The following NRG3 variants were observed in gnomAD, a reference collection of about 807,000 sequenced individuals.
The protein encoded by NRG3 is neuregulin 3.
A neutral mutation model predicts 66.9 loss-of-function variants in NRG3; 31 were observed. The observed-to-expected ratio is 0.46, with a 90% CI of 0.35 to 0.63. The LOEUF is 0.63. Ranked by LOEUF, NRG3 falls within the 20% of genes least tolerant of loss-of-function variation. NRG3 has a pLI of 0.00. For missense variants in NRG3, 910 were observed against 878.9 expected, an observed-to-expected ratio of 1.04 and a Z score of -0.45; for synonymous variants, 393 against 359.4, an observed-to-expected ratio of 1.09 and a Z score of -1.06.
intron 2 of NRG3, among the ~76,000 whole-genome samples, chr10:82,562,356 G>A (rs893792715): frequency 6.6e-6 from 1 of 152,176 alleles, no homozygotes; most frequent in Admixed American, 6.6e-5. Context: ...CTCACTGTCA[G>A]CTGCCAACCA....
At chr10:81,904,066 A>G (rs767938153) in intron 1 of NRG3, among the ~76,000 whole-genome samples, 7 of 150,984 alleles carry the variant, frequency 4.6e-5, no homozygotes, top group Non-Finnish European at 8.8e-5. Flanking sequence ...CTGGAGTGCA[A>G]TGATGCGATC....
At position 81,875,311 on chromosome 10, in the gene NRG3, G is replaced by C. The variant is rs1341324123; in HGVS notation, c.-30G>C. The C allele has an allele frequency of 2.4e-5, 24 of 984,010 alleles. No individual in the cohort carries two copies. Among genetic ancestry groups the C allele is most frequent in the Middle Eastern group, 4.7e-4 (1 of 2,128 alleles). 61.0% of individuals were successfully genotyped at this position (984,010 alleles called of 1,614,324 possible). A position where few individuals can be genotyped will look rare whatever the true frequency, so the allele number is the denominator to read the frequency against. On this transcript the variant is annotated 5_prime_UTR_variant, in exon 1 of 9. Transcript: ENST00000372141. This position sits in a 1 kb window ranked among gnomAD's most constrained non-coding sequence, Gnocchi z 5.3. Reference sequence around the variant, plus strand: ...CCCCATGCCTCTGCCGCGGCCCTCGGGGGGGCGAAGGTGAAGACCGGCTCC... The same window carrying C: ...CCCCATGCCTCTGCCGCGGCCCTCGCGGGGGCGAAGGTGAAGACCGGCTCC...
At chr10:82,518,508 A>G (rs1357832542) in intron 2 of NRG3, among the ~76,000 whole-genome samples, 1 of 152,224 alleles carries the variant, frequency 6.6e-6, no homozygotes, top group Non-Finnish European at 1.5e-5. Flanking sequence ...TCCCCCCTAC[A>G]CACATATTAG....
chr10:82,473,247 T>C (rs1841443165), intron 2 of NRG3, among the ~76,000 whole-genome samples: 1 of 152,204 alleles, frequency 6.6e-6, no homozygotes, highest in African/African-American at 2.4e-5. Context: ...CTGTGTGTTT[T>C]AGTGGGTGAA....
At chr10:82,686,242 C>T (rs916037466) in intron 2 of NRG3, among the ~76,000 whole-genome samples, 1 of 151,228 alleles carries the variant, frequency 6.6e-6, no homozygotes, top group Non-Finnish European at 1.5e-5. Flanking sequence ...GGCTGGAGTG[C>T]AATGGCATGA....
At chr10:82,591,161 T>C (rs1023053999) in intron 2 of NRG3, among the ~76,000 whole-genome samples, 2 of 152,160 alleles carry the variant, frequency 1.3e-5, no homozygotes, top group Non-Finnish European at 1.5e-5. Flanking sequence ...GGTGACGGGC[T>C]TCCATTGAGT....
chr10:82,458,744 A>G (rs907760292), intron 2 of NRG3, among the ~76,000 whole-genome samples: 1 of 152,184 alleles, frequency 6.6e-6, no homozygotes, highest in Non-Finnish European at 1.5e-5. Flanking sequence ...CAGTTTTCTA[A>G]TCTGAAAAAG....
chr10:81,898,838 T>A (rs953710040), intron 1 of NRG3, among the ~76,000 whole-genome samples: 2 of 152,120 alleles, frequency 1.3e-5, no homozygotes, highest in Non-Finnish European at 2.9e-5. Context: ...TAAGGTGAAC[T>A]TGGAAAAACA....
intron 2 of NRG3, among the ~76,000 whole-genome samples, chr10:82,516,538 T>C (rs929224224): frequency 6.6e-6 from 1 of 152,166 alleles, no homozygotes; most frequent in African/African-American, 2.4e-5. Flanking sequence ...GGGTAGATTT[T>C]AATGAAGGAA....
chr10:82,342,900 G>C (rs1240303891), intron 1 of NRG3, among the ~76,000 whole-genome samples: 1 of 152,080 alleles, frequency 6.6e-6, no homozygotes, highest in Non-Finnish European at 1.5e-5. Context: ...ACAGTTTCAA[G>C]TTTTACATTT....
At chr10:82,015,062 A>G (rs995161099) in intron 1 of NRG3, among the ~76,000 whole-genome samples, 1 of 152,190 alleles carries the variant, frequency 6.6e-6, no homozygotes, top group Non-Finnish European at 1.5e-5. Context: ...TCAAGACCAC[A>G]TCAGAAGTTT....
chr10:82,212,442 G>A (rs2075444566), intron 1 of NRG3, among the ~76,000 whole-genome samples: 1 of 152,154 alleles, frequency 6.6e-6, no homozygotes, highest in Admixed American at 6.5e-5. Context: ...CTTCTCCAGT[G>A]TTTTACAATT....
chr10:82,096,989 A>G (rs1415155481), intron 1 of NRG3, among the ~76,000 whole-genome samples: 1 of 152,144 alleles, frequency 6.6e-6, no homozygotes, highest in Non-Finnish European at 1.5e-5. Context: ...TTTGAGGTGC[A>G]GTTTTCTGAG....
intron 2 of NRG3, among the ~76,000 whole-genome samples, chr10:82,657,205 C>T (rs1352607074): frequency 6.6e-6 from 1 of 151,954 alleles, no homozygotes; most frequent in Non-Finnish European, 1.5e-5. Context: ...TATAATATAG[C>T]ATTTATTTAT....
intron 2 of NRG3, among the ~76,000 whole-genome samples, chr10:82,704,072 T>A (rs2056103499): frequency 6.6e-6 from 1 of 152,150 alleles, no homozygotes; most frequent in East Asian, 1.9e-4. Context: ...TAATTAAATG[T>A]GGTATAGAAA....
chr10:81,875,571 C>A lies in NRG3; in HGVS notation c.231C>A (p.Ile77=), dbSNP rs1390798097. The A allele has an allele frequency of 3.1e-6, 5 of 1,613,284 alleles. No individual in the cohort carries two copies. The highest frequency in any genetic ancestry group is 4.2e-6 in the Non-Finnish European group (5 of 1,179,920). The stretch of plus-strand genomic sequence containing the variant: ...TGGTACCTCTGTTCATCGGCTTCAT[C>A]GGCCTGGGGCTCAGCCTCATGCTTC... ...LCVVPLFIGF[I]GLGLSLMLLK... Residue 77 remains isoleucine (I), a synonymous_variant, in exon 1 of 9, where the codon ATC becomes ATA. Coordinates refer to ENST00000372141, the MANE Select transcript of NRG3 (RefSeq NM_001010848.4). The surrounding 1 kb of genome is among the most constrained non-coding windows in gnomAD (Gnocchi z 5.3).
intron 1 of NRG3, among the ~76,000 whole-genome samples, chr10:81,899,971 C>CA (rs1843880215): frequency 6.9e-6 from 1 of 144,402 alleles, no homozygotes; most frequent in Non-Finnish European, 1.5e-5. Flanking sequence ...GTTTTTCTTT[C>CA]TTTTTTTTTT....
chr10:82,138,587 T>A (rs965324298), intron 1 of NRG3, among the ~76,000 whole-genome samples: 1 of 152,148 alleles, frequency 6.6e-6, no homozygotes, highest in African/African-American at 2.4e-5. Context: ...TAAGGAGAAT[T>A]GACTCACATG....
intron 1 of NRG3, among the ~76,000 whole-genome samples, chr10:82,250,738 T>C (rs2077447390): frequency 6.6e-6 from 1 of 152,154 alleles, no homozygotes; most frequent in Admixed American, 6.5e-5. Context: ...CACATAGCAG[T>C]GATCATTTAA....
Sources: gnomAD v4.1 joint callset for allele counts (sites outside exome capture counted in the v4.1 genomes callset) on GRCh38, gnomAD v4.1.1 for gene constraint, Gnocchi (gnomAD v3.1) non-coding constraint, MANE v1.5 for transcripts, NCBI Gene and HGNC (gene_info 2026-07-23, HGNC 2026-07-21) for gene names.